Variants in CNTNAP2 observed in about 807,000 individuals in gnomAD.
The protein encoded by CNTNAP2 is contactin associated protein 2.
In CNTNAP2, 98 loss-of-function variants were observed where a neutral mutation model predicts 155.2. That is an observed-to-expected ratio of 0.63 (90% CI 0.54 to 0.75). The LOEUF is 0.75. CNTNAP2 is among the 30% of genes least tolerant of loss of function. The pLI is 0.00. For synonymous variants in CNTNAP2, 651 were observed against 631.2 expected, an observed-to-expected ratio of 1.03 and a Z score of -0.47; for missense variants, 1,727 against 1,688.1, an observed-to-expected ratio of 1.02 and a Z score of -0.40.
intron 21 of CNTNAP2, among the ~76,000 whole-genome samples, chr7:148,328,954 C>T (rs991487048): frequency 2.1e-4 from 26 of 122,022 alleles, no homozygotes; most frequent in African/African-American, 7.4e-4. Context: ...CCAGCCTAAG[C>T]GACAGAGCAA....
At chr7:148,270,641 G>A (rs10464464) in intron 21 of CNTNAP2, among the ~76,000 whole-genome samples, 54,470 of 152,150 alleles carry the variant, frequency 0.36, 11,508 homozygotes, top group East Asian at 0.6. Flanking sequence ...GACGTATACT[G>A]CAGGGTGAAA....
At chr7:146,661,443 A>G (rs1398095678) in intron 1 of CNTNAP2, among the ~76,000 whole-genome samples, 1 of 151,818 alleles carries the variant, frequency 6.6e-6, no homozygotes, top group Non-Finnish European at 1.5e-5. Flanking sequence ...TTCTCCCCCA[A>G]TCCTTAACCC....
In CNTNAP2 at chr7:148,094,755, A is replaced by G. The variant is rs1249417346; in HGVS notation, c.2384-23363A>G. ...GAGAAGCCACTCTTGGCTGAGCGCA[A>G]TGAGTTTGGTTTTAGACTTGCTCTT... On this transcript the variant is annotated intron_variant, in intron 15 of 23. Coordinates refer to ENST00000361727, the MANE Select transcript of CNTNAP2 (RefSeq NM_014141.6). 2.6e-5 allele frequency among the ~76,000 whole-genome samples: 4 copies of G among 152,178 alleles called. No individual in the cohort carries two copies. In the South Asian group the frequency reaches 6.2e-4, roughly 24 times the overall value.
intron 13 of CNTNAP2, among the ~76,000 whole-genome samples, chr7:147,799,971 A>C (rs969798982): frequency 1.3e-5 from 2 of 152,236 alleles, no homozygotes; most frequent in Non-Finnish European, 2.9e-5. Flanking sequence ...GAAATACTTA[A>C]CAGGCCTCTG....
intron 23 of CNTNAP2, among the ~76,000 whole-genome samples, chr7:148,412,374 T>C (rs1265296404): frequency 6.6e-6 from 1 of 152,276 alleles, no homozygotes; most frequent in Non-Finnish European, 1.5e-5. Context: ...TAACGATATT[T>C]AGTATTTCTA....
chr7:146,266,766 T>C (rs931525944), intron 1 of CNTNAP2, among the ~76,000 whole-genome samples: 1 of 152,064 alleles, frequency 6.6e-6, no homozygotes, highest in Non-Finnish European at 1.5e-5. Context: ...TGGCTTTAAA[T>C]TGCACATGTG....
At position 146,644,159 on chromosome 7, in the gene CNTNAP2, C is replaced by T. The variant is rs865975497; in HGVS notation, c.98-130112C>T. Among the ~76,000 whole-genome samples, 49 of 152,300 alleles carry T rather than the reference C, an allele frequency of 3.2e-4. 1 individual carries two copies. The highest frequency in any genetic ancestry group is 9.8e-4 in the Admixed American group (15 of 15,298). ...CTAATTGAATACCCTTTATTTCCTT[C>T]TCCTGCCTAATTGCCCTGGCCAGAA... is the stretch of plus-strand genomic sequence containing the variant. On this transcript the variant is annotated intron_variant, in intron 1 of 23. Transcript: ENST00000361727.
chr7:146,218,761 A>G (rs970279679), intron 1 of CNTNAP2, among the ~76,000 whole-genome samples: 1 of 152,148 alleles, frequency 6.6e-6, no homozygotes, highest in Non-Finnish European at 1.5e-5. Context: ...AAATAGCCAC[A>G]CATGGCTAGT....
At chr7:147,744,909 C>T (rs6950604) in intron 13 of CNTNAP2, among the ~76,000 whole-genome samples, 12,307 of 152,166 alleles carry the variant, frequency 0.081, 1,593 homozygotes, top group African/African-American at 0.28. Context: ...AGGGCTTTAA[C>T]GTGTGAATTT....
At chr7:147,945,023 A>T (rs998789064) in intron 14 of CNTNAP2, among the ~76,000 whole-genome samples, 1 of 152,206 alleles carries the variant, frequency 6.6e-6, no homozygotes, top group Non-Finnish European at 1.5e-5. Context: ...AGAAAAAAAT[A>T]TATTAAGGTG....
At chr7:147,720,349 T>C (rs1188210569) in intron 13 of CNTNAP2, among the ~76,000 whole-genome samples, 2 of 152,176 alleles carry the variant, frequency 1.3e-5, no homozygotes, top group Non-Finnish European at 2.9e-5. Context: ...TAATGTAATA[T>C]GTACAGCATT....
chr7:146,191,069 T>C (rs13241192), intron 1 of CNTNAP2, among the ~76,000 whole-genome samples: 46,582 of 152,054 alleles, frequency 0.31, 8,365 homozygotes, highest in African/African-American at 0.5. Context: ...CACCAATTAT[T>C]GGGGGAACCA....
chr7:147,366,809 A>C (rs1438449989), intron 9 of CNTNAP2, among the ~76,000 whole-genome samples: 2 of 96,850 alleles, frequency 2.1e-5, no homozygotes, highest in Non-Finnish European at 5.7e-5. Flanking sequence ...ACACACACAC[A>C]CACCCCAATG....
intron 3 of CNTNAP2, among the ~76,000 whole-genome samples, chr7:146,990,063 T>C (rs181708733): frequency 1.3e-5 from 2 of 151,794 alleles, no homozygotes; most frequent in East Asian, 1.9e-4. Flanking sequence ...TTAGGTCCTG[T>C]AGAGAAAAAT....
intron 11 of CNTNAP2, among the ~76,000 whole-genome samples, chr7:147,535,698 T>C (rs1799526693): frequency 6.6e-6 from 1 of 152,104 alleles, no homozygotes; most frequent in East Asian, 1.9e-4. Context: ...TGTAGGACTT[T>C]CTCCCCACTC....
chr7:148,041,000 GT>G (rs1248363883), intron 15 of CNTNAP2, among the ~76,000 whole-genome samples: 2 of 152,148 alleles, frequency 1.3e-5, no homozygotes. Context: ...CGTGACTTCT[GT>G]TCATAGTTTA....
intron 3 of CNTNAP2, among the ~76,000 whole-genome samples, chr7:147,024,441 T>G (rs967005578): frequency 9.2e-5 from 14 of 152,104 alleles, no homozygotes; most frequent in Non-Finnish European, 1.6e-4. Context: ...GTGTAGAATG[T>G]TATTATTGGA....
chr7:146,584,193 A>AAAAC (rs952033441), intron 1 of CNTNAP2, among the ~76,000 whole-genome samples: 1 of 152,196 alleles, frequency 6.6e-6, no homozygotes, highest in South Asian at 2.1e-4. Context: ...TAGAGTCAGG[A>AAAAC]AAACAAACAA....
At chr7:147,763,932 C>T (rs572794885) in intron 13 of CNTNAP2, among the ~76,000 whole-genome samples, 1 of 152,276 alleles carries the variant, frequency 6.6e-6, no homozygotes, top group Non-Finnish European at 1.5e-5. Context: ...AAGGTGCGTG[C>T]CATTCCAGTT....
Sources: allele counts gnomAD v4.1 joint callset (sites outside exome capture counted in the v4.1 genomes callset), GRCh38; gene constraint gnomAD v4.1.1; transcripts MANE v1.5; gene names NCBI Gene and HGNC (gene_info 2026-07-23, HGNC 2026-07-21).